Variants in HIVEP3 observed in about 807,000 individuals in gnomAD.
HIVEP3 encodes transcription factor HIVEP3.
In HIVEP3, 49 loss-of-function variants were observed where a neutral mutation model predicts 152.8. That is an observed-to-expected ratio of 0.32 (90% CI 0.26 to 0.41). HIVEP3 has a LOEUF of 0.41. Among genes scored for constraint, HIVEP3 ranks in the 10% least tolerant of loss-of-function variants. The pLI, the probability that HIVEP3 is intolerant of heterozygous loss-of-function variation, is 1.00. For synonymous variants in HIVEP3, 1,269 were observed against 1,289.0 expected (o/e 0.98, Z 0.33); for missense variants, 2,790 against 3,103.3 (o/e 0.90, Z 2.40).
At chr1:41,556,913 G>T (rs1643974997) in intron 5 of HIVEP3, among the ~76,000 whole-genome samples, 1 of 152,188 alleles carries the variant, frequency 6.6e-6, no homozygotes. Context: ...AATAGCCTTG[G>T]CAACCTTGCT....
chr1:41,899,364 G>C (rs1055860060), intron 1 of HIVEP3, among the ~76,000 whole-genome samples: 2 of 152,180 alleles, frequency 1.3e-5, no homozygotes, highest in East Asian at 3.8e-4. Context: ...TGATGTTTAT[G>C]TGGAAGAAAA....
rs1212248284 is a variant in HIVEP3, at chr1:41,511,022, G to A, written c.6650C>T (p.Pro2217Leu). The A allele has an allele frequency of 6.2e-7, 1 of 1,613,532 alleles. No individual in the cohort carries two copies. The highest frequency in any genetic ancestry group is 1.1e-5 in the South Asian group (1 of 91,064). ...GAAGCCACTGACCCAGGCTGCGGTG[G>A]GCCCTGGCAGCAGGGTGGGGTGGGC... ...PGAHPTLLPG[P>L]TAAWVSGFSG... The change falls in exon 9 of 9, where the codon CCC becomes CTC. Residue 2217 changes from proline (P) to leucine (L), a missense_variant. By Grantham distance (98) the Pro-to-Leu change is moderately conservative. This residue lies in a region of HIVEP3 where 816 missense variants were observed against 806.5 expected (regional missense o/e 1.01). Transcript: ENST00000372583. The surrounding 1 kb of genome is among the most constrained non-coding windows in gnomAD (Gnocchi z 4.9).
At chr1:41,763,620 C>T (rs1441098090) in intron 1 of HIVEP3, among the ~76,000 whole-genome samples, 1 of 152,202 alleles carries the variant, frequency 6.6e-6, no homozygotes, top group African/African-American at 2.4e-5. Context: ...TTATCACATC[C>T]TTCTGCAAAT....
chr1:41,947,914 A>C (rs140455507), intron 1 of HIVEP3, among the ~76,000 whole-genome samples: 2,441 of 152,324 alleles, frequency 0.016, 39 homozygotes, highest in Non-Finnish European at 0.021. Context: ...ACTGCTAAAG[A>C]AGACTTGTGG....
intron 1 of HIVEP3, among the ~76,000 whole-genome samples, chr1:41,881,482 G>A (rs1006208381): frequency 3.3e-5 from 5 of 152,096 alleles, no homozygotes; most frequent in African/African-American, 7.2e-5. Context: ...TTCTAAAAAC[G>A]ATATGCTGAT....
At chr1:41,987,646 C>G (rs642112) in intron 1 of HIVEP3, among the ~76,000 whole-genome samples, 3,023 of 152,230 alleles carry the variant, frequency 0.02, 41 homozygotes, top group Middle Eastern at 0.044. Flanking sequence ...TTGACAAAAA[C>G]GCCAAGAACC....
At chr1:41,996,971 G>T (rs1645399282) in intron 1 of HIVEP3, among the ~76,000 whole-genome samples, 1 of 152,116 alleles carries the variant, frequency 6.6e-6, no homozygotes, top group African/African-American at 2.4e-5. Context: ...TGTCTTATGA[G>T]GACCCTTGTG....
At chr1:41,696,029 C>T (rs1464852468) in intron 2 of HIVEP3, among the ~76,000 whole-genome samples, 2 of 152,198 alleles carry the variant, frequency 1.3e-5, no homozygotes, top group Admixed American at 6.5e-5. Context: ...GTTTCCTCAT[C>T]TATCAGACAG....
At chr1:41,670,477 G>C (rs752009176) in intron 2 of HIVEP3, among the ~76,000 whole-genome samples, 8 of 152,232 alleles carry the variant, frequency 5.3e-5, no homozygotes, top group Non-Finnish European at 1.0e-4. Context: ...GCTGGGCCCT[G>C]TTCTAGGGAC....
rs1045314873 is a variant in HIVEP3 at position 41,533,702 on chromosome 1, T to C, written c.5208-8792A>G. ...CTCCTTTTTTGCCCACCCTTTCCCA[T>C]GCCGACATGGCCCCTGCCAGCCTCC... On this transcript the variant is annotated intron_variant, in intron 5 of 8. Coordinates refer to ENST00000372583, the MANE Select transcript of HIVEP3 (RefSeq NM_024503.5). The surrounding 1 kb of genome is among the most constrained non-coding windows in gnomAD (Gnocchi z 4.3). 6.6e-6 allele frequency among the ~76,000 whole-genome samples: 1 copy of C among 151,868 alleles called. No homozygotes were observed. Among genetic ancestry groups the C allele is most frequent in the African/African-American group, 2.4e-5 (1 of 41,350 alleles).
chr1:41,676,266 G>A (rs1048881283), intron 2 of HIVEP3, among the ~76,000 whole-genome samples: 18 of 152,248 alleles, frequency 1.2e-4, no homozygotes, highest in African/African-American at 4.3e-4. Flanking sequence ...TGGCCAGGCT[G>A]GTCTTGAACT....
chr1:41,887,572 A>G (rs1644366626), intron 1 of HIVEP3, among the ~76,000 whole-genome samples: 2 of 152,232 alleles, frequency 1.3e-5, no homozygotes, highest in African/African-American at 4.8e-5. Flanking sequence ...CCTGGGCTAC[A>G]AGGGTCAGGG....
rs571017976 is a variant in HIVEP3 at position 41,539,713 on chromosome 1, C to G, written c.5208-14803G>C. On this transcript the variant is annotated intron_variant, in intron 5 of 8. Coordinates refer to ENST00000372583, the MANE Select transcript of HIVEP3 (RefSeq NM_024503.5). ...ACAGTGACCAGGCCCTCGCTATGTG[C>G]CACACGCTTTCCGTAGGATATCTCC... Among the ~76,000 whole-genome samples, 49 of 152,354 alleles carry G rather than the reference C, an allele frequency of 3.2e-4. 1 individual carries two copies. Among genetic ancestry groups the G allele is most frequent in the African/African-American group, 1.1e-3 (46 of 41,588 alleles).
Position 41,951,987 on chromosome 1 carries a change from C to T in HIVEP3, n.120-33463G>A, listed in dbSNP as rs112889538. On this transcript the variant is annotated intron_variant and non_coding_transcript_variant, in intron 1 of 3. Coordinates refer to the HIVEP3 transcript ENST00000489103. ...TGTAGTTAGAAATAAATTACGTGAA[C>T]AACTAGACATTCCCTGACAATGGAG... is the stretch of plus-strand genomic sequence containing the variant. 5.0e-3 allele frequency among the ~76,000 whole-genome samples: 754 copies of T among 152,204 alleles called. 8 individuals are homozygous for T. Among genetic ancestry groups the T allele is most frequent in the African/African-American group, 0.018 (733 of 41,506 alleles).
At position 41,770,738 on chromosome 1, in the gene HIVEP3, GACTA is replaced by G. The variant is rs1248784272; in HGVS notation, c.-800-69747_-800-69744del. 3.9e-5 allele frequency among the ~76,000 whole-genome samples: 6 copies of G among 152,070 alleles called. No homozygotes were observed. In the South Asian group the frequency reaches 1.0e-3, roughly 26 times the overall value. On this transcript the variant is annotated intron_variant, in intron 1 of 8. Coordinates refer to ENST00000372583, the MANE Select transcript of HIVEP3 (RefSeq NM_024503.5). The stretch of plus-strand genomic sequence containing the variant: ...TCAAGGTCATGAAAAGACAAGAAAA[GACTA>G]ACTGTCACAGAATGCAGGACACTAA...
chr1:41,713,750 T>G (rs2124153861), intron 1 of HIVEP3, among the ~76,000 whole-genome samples: 1 of 152,352 alleles, frequency 6.6e-6, no homozygotes, highest in Middle Eastern at 3.4e-3. Context: ...ATGCCATGTT[T>G]TGACTGCTTC....
At chr1:41,892,773 C>T (rs1484662785) in intron 1 of HIVEP3, among the ~76,000 whole-genome samples, 1 of 152,000 alleles carries the variant, frequency 6.6e-6, no homozygotes, top group Non-Finnish European at 1.5e-5. Flanking sequence ...ATAGCCTGGC[C>T]CACCTTATAG....
At chr1:41,703,520 A>G (rs1439392134) in intron 1 of HIVEP3, among the ~76,000 whole-genome samples, 1 of 152,196 alleles carries the variant, frequency 6.6e-6, no homozygotes, top group Admixed American at 6.5e-5. Context: ...TCCTCTATAA[A>G]AAAAGGATAA....
chr1:41,617,269 G>A (rs1570116990), intron 3 of HIVEP3, among the ~76,000 whole-genome samples: 1 of 152,126 alleles, frequency 6.6e-6, no homozygotes, highest in Non-Finnish European at 1.5e-5. Context: ...TCCATAGGCC[G>A]GATTTCCAGA....
Sources: allele counts gnomAD v4.1 joint callset (sites outside exome capture counted in the v4.1 genomes callset), GRCh38; gene constraint gnomAD v4.1.1; regional missense constraint gnomAD v4.1.1; non-coding constraint Gnocchi (gnomAD v3.1); transcripts MANE v1.5; gene names NCBI Gene and HGNC (gene_info 2026-07-23, HGNC 2026-07-21).